ASIC2: variants seen among roughly 807,000 people sequenced by gnomAD.
The protein encoded by ASIC2 is acid-sensing ion channel 2.
In ASIC2, 25 loss-of-function variants were observed where a neutral mutation model predicts 57.3. That is an observed-to-expected ratio of 0.44 (90% CI 0.32 to 0.61). The LOEUF (loss-of-function observed/expected upper bound fraction) is 0.61. ASIC2 is among the 20% of genes least tolerant of loss of function. The pLI is 0.06. For missense variants in ASIC2, 641 were observed against 738.1 expected, an observed-to-expected ratio of 0.87 and a Z score of 1.52; for synonymous variants, 319 against 307.5, an observed-to-expected ratio of 1.04 and a Z score of -0.39.
intron 3 of ASIC2, among the ~76,000 whole-genome samples, chr17:33,058,447 G>GT (rs1342603527): frequency 1.0e-4 from 11 of 109,876 alleles, no homozygotes; most frequent in Non-Finnish European, 1.2e-4. Flanking sequence ...TTCTACCACT[G>GT]TTTTTTCTCC....
chr17:33,175,320 G>A (rs958965038), intron 1 of ASIC2, among the ~76,000 whole-genome samples: 6 of 152,260 alleles, frequency 3.9e-5, no homozygotes, highest in African/African-American at 7.2e-5. Flanking sequence ...TCTTTAGGGC[G>A]CATTCTGGGC....
chr17:33,750,012 GATCTAAAT>G (rs1027179651), intron 1 of ASIC2, among the ~76,000 whole-genome samples: 30 of 152,180 alleles, frequency 2.0e-4, no homozygotes, highest in African/African-American at 6.0e-4. Flanking sequence ...CTCCCTCTTT[GATCTAAAT>G]ATCCACTTTC....
At chr17:33,064,818 C>A (rs1241586588) in intron 3 of ASIC2, among the ~76,000 whole-genome samples, 1 of 152,228 alleles carries the variant, frequency 6.6e-6, no homozygotes, top group Non-Finnish European at 1.5e-5. Flanking sequence ...ACCCCCAATT[C>A]AAACTCAGTA....
At chr17:33,811,688 C>G (rs193220349) in intron 1 of ASIC2, among the ~76,000 whole-genome samples, 9 of 152,286 alleles carry the variant, frequency 5.9e-5, no homozygotes, top group South Asian at 2.1e-4. Context: ...ACATAGTCTA[C>G]TGAACTCACT....
intron 1 of ASIC2, among the ~76,000 whole-genome samples, chr17:33,235,338 T>A (rs1347207336): frequency 1.3e-5 from 2 of 152,056 alleles, no homozygotes; most frequent in African/African-American, 2.4e-5. Context: ...GGGGCTGACG[T>A]GGGAGGGAGT....
chr17:33,950,223 C>T (rs1254170066), intron 1 of ASIC2, among the ~76,000 whole-genome samples: 1 of 152,202 alleles, frequency 6.6e-6, no homozygotes, highest in African/African-American at 2.4e-5. Context: ...AGCCCAAGCA[C>T]CTCTAGAGTT....
At chr17:34,052,448 T>C (rs1908604312) in intron 1 of ASIC2, among the ~76,000 whole-genome samples, 1 of 152,152 alleles carries the variant, frequency 6.6e-6, no homozygotes, top group Non-Finnish European at 1.5e-5. Flanking sequence ...AGTGGGAGTC[T>C]ACACGGAGAA....
intron 1 of ASIC2, among the ~76,000 whole-genome samples, chr17:33,397,976 G>GA (rs1330376448): frequency 2.6e-5 from 4 of 152,106 alleles, no homozygotes; most frequent in South Asian, 2.1e-4. Context: ...GATCATAGTG[G>GA]AAAAAAAATC....
chr17:33,552,528 T>C (rs2141977742), intron 1 of ASIC2, among the ~76,000 whole-genome samples: 1 of 152,346 alleles, frequency 6.6e-6, no homozygotes, highest in Middle Eastern at 3.4e-3. Flanking sequence ...TGGGTTCCAG[T>C]TCCAGCTCTT....
At chr17:33,462,940 G>C (rs1912689914) in intron 1 of ASIC2, among the ~76,000 whole-genome samples, 3 of 152,144 alleles carry the variant, frequency 2.0e-5, no homozygotes, top group Admixed American at 2.0e-4. Context: ...CCTATGATTT[G>C]GGCCACCTGT....
chr17:34,132,244 G>T lies in ASIC2; in HGVS notation c.555+23734C>A, dbSNP rs573677177. Among the ~76,000 whole-genome samples, 391 of 152,288 alleles carry T rather than the reference G, an allele frequency of 2.6e-3. 1 individual carries two copies. Among genetic ancestry groups the T allele is most frequent in the African/African-American group, 8.7e-3 (360 of 41,544 alleles). ...AAGTTCGTGGTGTCGCTGACTTCAA[G>T]AACGAAGCCGGGGACCTTTGTGGTG... is the stretch of plus-strand genomic sequence containing the variant. On this transcript the variant is annotated intron_variant, in intron 1 of 9. Coordinates refer to the ASIC2 transcript ENST00000359872.
At chr17:33,673,964 G>T (rs1369219754) in intron 1 of ASIC2, among the ~76,000 whole-genome samples, 2 of 151,444 alleles carry the variant, frequency 1.3e-5, no homozygotes, top group Non-Finnish European at 1.5e-5. Flanking sequence ...TGCCATCTCG[G>T]CTCAGTGCAA....
chr17:33,747,302 C>T (rs933275521), intron 1 of ASIC2, among the ~76,000 whole-genome samples: 2 of 146,304 alleles, frequency 1.4e-5, no homozygotes, highest in South Asian at 2.2e-4. Flanking sequence ...CGGCTCATTG[C>T]AGCTTTGACC....
At position 33,309,550 on chromosome 17, in the gene ASIC2, TCC is replaced by T. The variant is rs1205227832; in HGVS notation, c.556-197485_556-197484del. On this transcript the variant is annotated intron_variant, in intron 1 of 9. Coordinates refer to the ASIC2 transcript ENST00000359872. Reference sequence around the variant, plus strand: ...ACTGAATTCATCATCTTCCTCCTTATCCTCCTCTACCATCACCACCACCTTCA... The same window carrying T: ...ACTGAATTCATCATCTTCCTCCTTATTCCTCTACCATCACCACCACCTTCA... Among the ~76,000 whole-genome samples, 1,258 of 152,172 alleles carry T rather than the reference TCC, an allele frequency of 8.3e-3. 11 individuals are homozygous for T. The highest frequency in any genetic ancestry group is 0.022 in the African/African-American group (928 of 41,522).
At chr17:33,284,104 G>A (rs1484094516) in intron 1 of ASIC2, among the ~76,000 whole-genome samples, 3 of 152,086 alleles carry the variant, frequency 2.0e-5, no homozygotes, top group Admixed American at 6.5e-5. Context: ...GTGTGGAATC[G>A]GAGGAAACAA....
At position 33,500,361 on chromosome 17, in the gene ASIC2, G is replaced by C. The variant is rs142006322; in HGVS notation, c.556-388294C>G. 3.5e-3 allele frequency among the ~76,000 whole-genome samples: 538 copies of C among 152,284 alleles called. 1 individual carries two copies. The highest frequency in any genetic ancestry group is 5.4e-3 in the Admixed American group (82 of 15,302). ...CCTGAGAGTCTCAGTCCAGTTTCCA[G>C]AGACAGCTCAGGAAGTCCCAGGGGA... On this transcript the variant is annotated intron_variant, in intron 1 of 9. Coordinates refer to the ASIC2 transcript ENST00000359872.
intron 3 of ASIC2, among the ~76,000 whole-genome samples, chr17:33,087,636 G>A (rs1234850229): frequency 7.0e-6 from 1 of 142,214 alleles, no homozygotes; most frequent in Non-Finnish European, 1.5e-5. Flanking sequence ...TGAGGGCAGT[G>A]GTGCAATCTC....
At chr17:33,855,735 G>C (rs1428726458) in intron 1 of ASIC2, among the ~76,000 whole-genome samples, 1 of 152,130 alleles carries the variant, frequency 6.6e-6, no homozygotes, top group Non-Finnish European at 1.5e-5. Flanking sequence ...TGAGGATTGT[G>C]CTCCCTTTTC....
At chr17:33,475,866 A>G (rs1045771089) in intron 1 of ASIC2, among the ~76,000 whole-genome samples, 13 of 152,250 alleles carry the variant, frequency 8.5e-5, no homozygotes, top group Non-Finnish European at 1.8e-4. Flanking sequence ...CCATCTGATG[A>G]TCTCCAGCCG....
Sources: allele counts gnomAD v4.1 joint callset (sites outside exome capture counted in the v4.1 genomes callset), GRCh38; gene constraint gnomAD v4.1.1; transcripts MANE v1.5; gene names NCBI Gene and HGNC (gene_info 2026-07-23, HGNC 2026-07-21).